Variants in ZNF624 observed in about 807,000 individuals in gnomAD.
ZNF624 encodes the protein zinc finger protein 624.
Under a neutral mutation model 74.7 loss-of-function variants are expected in ZNF624, and 43 were observed. The observed-to-expected ratio is 0.58, with a 90% CI of 0.45 to 0.74. The LOEUF is 0.74. ZNF624 is among the 30% of genes least tolerant of loss of function. The pLI is 0.00. For synonymous variants in ZNF624, 331 were observed against 341.3 expected (o/e 0.97, Z 0.33); for missense variants, 820 against 1,030.0 (o/e 0.80, Z 2.79).
chr17:16,642,248 G>T (rs538758182), intron 3 of ZNF624, among the ~76,000 whole-genome samples: 1 of 151,998 alleles, frequency 6.6e-6, no homozygotes, highest in Non-Finnish European at 1.5e-5. Flanking sequence ...ATTTCAAAAC[G>T]TACTTCAAAG....
At position 16,633,066 on chromosome 17, in the gene ZNF624, C is replaced by T. The variant is rs1247036867; in HGVS notation, c.376+796G>A. On this transcript the variant is annotated intron_variant, in intron 5 of 5. Transcript: ENST00000311331. ...TTAAATGTCACCTCTTCAGAAGCTCCCCTGACCACCCTGTTTGAAGCAGGT... is the reference window on the plus strand; with the variant it reads ...TTAAATGTCACCTCTTCAGAAGCTCTCCTGACCACCCTGTTTGAAGCAGGT... Among the ~76,000 whole-genome samples the T allele has an allele frequency of 3.3e-5, 5 of 152,314 alleles. No homozygotes were observed. In the South Asian group the frequency reaches 8.3e-4, roughly 25 times the overall value.
At chr17:16,626,543 A>G (rs1429981044) in intron 5 of ZNF624, among the ~76,000 whole-genome samples, 2 of 152,074 alleles carry the variant, frequency 1.3e-5, no homozygotes, top group Non-Finnish European at 2.9e-5. Context: ...GCTTGAGCCC[A>G]GGAGTTTAAG....
chr17:16,650,538 AG>A (rs1292767640), intron 1 of ZNF624, among the ~76,000 whole-genome samples: 2 of 152,176 alleles, frequency 1.3e-5, no homozygotes, highest in African/African-American at 4.8e-5. Flanking sequence ...ATGGAGCAAC[AG>A]GGTGGCAGAG....
chr17:16,641,184 A>C (rs1303457431), intron 3 of ZNF624, among the ~76,000 whole-genome samples: 1 of 152,188 alleles, frequency 6.6e-6, no homozygotes, highest in African/African-American at 2.4e-5. Flanking sequence ...GAAAACCTAC[A>C]TCTAGCCTCA....
chr17:16,624,853 C>CAAA (rs59170659), intron 5 of ZNF624: 498 of 43,916 alleles, frequency 0.011, 25 homozygotes, highest in Non-Finnish European at 0.012. Flanking sequence ...CCTGTCTCTA[C>CAAA]AAAAAAAAAA....
chr17:16,649,977 C>T (rs1259902246), intron 1 of ZNF624, among the ~76,000 whole-genome samples: 1 of 152,148 alleles, frequency 6.6e-6, no homozygotes. Context: ...TTTTAAAATA[C>T]TTTCTCATTT....
Position 16,622,283 on chromosome 17 carries a change from G to A in ZNF624, c.*5C>T, listed in dbSNP as rs371691373. The stretch of plus-strand genomic sequence containing the variant: ...TTGACATCTAGGTGAATGACTTATT[G>A]TTCTTTATATTAACTGAGTTTCTCT... On this transcript the variant is annotated 3_prime_UTR_variant, in exon 6 of 6. Coordinates refer to ENST00000311331, the MANE Select transcript of ZNF624 (RefSeq NM_020787.4). 2 of 1,535,224 alleles carry A rather than the reference G, an allele frequency of 1.3e-6. No homozygotes were observed. Among genetic ancestry groups the A allele is most frequent in the African/African-American group, 2.8e-5 (2 of 72,180 alleles).
Position 16,620,775 on chromosome 17 carries a change from G to A in ZNF624, c.*1513C>T, listed in dbSNP as rs983422824. On this transcript the variant is annotated 3_prime_UTR_variant, in exon 6 of 6. Coordinates refer to ENST00000311331, the MANE Select transcript of ZNF624 (RefSeq NM_020787.4). ...TTAATGTAAATATTACAGGTTCATT[G>A]CAAGGAAAAAATTAACTTAAAAACA... 1 of 151,926 alleles carries A rather than the reference G, an allele frequency of 6.6e-6. No homozygotes were observed. The highest frequency in any genetic ancestry group is 2.4e-5 in the African/African-American group (1 of 41,366). 9.4% of individuals were successfully genotyped at this position (151,926 alleles called of 1,614,324 possible).
At chr17:16,639,345 A>G (rs1909413864) in intron 3 of ZNF624, among the ~76,000 whole-genome samples, 1 of 152,118 alleles carries the variant, frequency 6.6e-6, no homozygotes, top group Non-Finnish European at 1.5e-5. Context: ...AGGTTTTTGA[A>G]GCTTGTTTTA....
downstream of ZNF624, chr17:16,616,949 C>A (rs148616676): frequency 6.3e-7 from 1 of 1,581,846 alleles, no homozygotes; most frequent in African/African-American, 1.4e-5. Flanking sequence ...ACAGAGCGGG[C>A]CTTTCAGGGT....
intron 3 of ZNF624, among the ~76,000 whole-genome samples, chr17:16,643,740 A>C (rs1909521164): frequency 1.3e-5 from 2 of 152,244 alleles, no homozygotes. Context: ...TCCCAGGGGA[A>C]AATCAGGTAA....
At chr17:16,618,329 C>A (rs1908833632), downstream of ZNF624, among the ~76,000 whole-genome samples, 1 of 152,088 alleles carries the variant, frequency 6.6e-6, no homozygotes, top group African/African-American at 2.4e-5. Context: ...CAAACAACAA[C>A]AAAACCAAAT....
intron 3 of ZNF624, among the ~76,000 whole-genome samples, chr17:16,645,639 AAAAAAAAAC>A (rs1909571532): frequency 6.6e-6 from 1 of 151,618 alleles, no homozygotes; most frequent in African/African-American, 2.4e-5. Context: ...GCTACAAAAA[AAAAAAAAAC>A]AAAACACTAA....
chr17:16,616,687 C>A (rs1186098631), downstream of ZNF624, among the ~76,000 whole-genome samples: 2 of 152,166 alleles, frequency 1.3e-5, no homozygotes, highest in Non-Finnish European at 2.9e-5. Context: ...TTTCCTTAAA[C>A]CTCATCTTTT....
At chr17:16,652,855 C>T (rs1177379776) in intron 1 of ZNF624, among the ~76,000 whole-genome samples, 1 of 152,190 alleles carries the variant, frequency 6.6e-6, no homozygotes, top group Non-Finnish European at 1.5e-5. Flanking sequence ...AAAACTGTGA[C>T]CACAGGCAAG....
chr17:16,617,973 G>C, downstream of ZNF624: 1 of 739,958 alleles, frequency 1.4e-6, no homozygotes, highest in Non-Finnish European at 2.3e-6. Context: ...GCAAGAGCCC[G>C]AACACGCGCC....
intron 5 of ZNF624, among the ~76,000 whole-genome samples, chr17:16,625,888 T>A (rs1361320500): frequency 1.3e-5 from 2 of 152,126 alleles, no homozygotes; most frequent in Non-Finnish European, 2.9e-5. Context: ...TAATTATGCC[T>A]CAATATTTAA....
At chr17:16,634,965 T>C (rs980140782) in intron 3 of ZNF624, among the ~76,000 whole-genome samples, 2 of 152,226 alleles carry the variant, frequency 1.3e-5, no homozygotes, top group African/African-American at 4.8e-5. Flanking sequence ...CTTCAGAGTT[T>C]CATCTGATAG....
intron 3 of ZNF624, among the ~76,000 whole-genome samples, chr17:16,641,291 CT>C (rs137979256): frequency 2.7e-5 from 4 of 150,842 alleles, no homozygotes; most frequent in African/African-American, 4.9e-5. Flanking sequence ...CTCTCTCTCT[CT>C]TTTTTTTTGG....
Sources: gnomAD v4.1 joint callset for allele counts (sites outside exome capture counted in the v4.1 genomes callset) on GRCh38, gnomAD v4.1.1 for gene constraint, MANE v1.5 for transcripts, NCBI Gene and HGNC (gene_info 2026-07-23, HGNC 2026-07-21) for gene names.